CNTN5: variants seen among roughly 807,000 people sequenced by gnomAD.
CNTN5 encodes the protein contactin-5.
In CNTN5, 77 loss-of-function variants were observed where a neutral mutation model predicts 129.1. The ratio of observed to expected loss-of-function variants is 0.60; its 90% CI spans 0.50 to 0.72. The LOEUF (loss-of-function observed/expected upper bound fraction) is 0.72, where lower values mean the gene tolerates loss of function less well. Ranked by LOEUF, CNTN5 falls within the 30% of genes least tolerant of loss-of-function variation. The probability of loss-of-function intolerance (pLI) is 0.00; values close to 1 mark genes in which losing one functional copy is unlikely to be tolerated. For synonymous variants in CNTN5, 509 were observed against 465.6 expected, an observed-to-expected ratio of 1.09 and a Z score of -1.20; for missense variants, 1,478 against 1,328.8, an observed-to-expected ratio of 1.11 and a Z score of -1.75.
chr11:99,274,998 A>G (rs1863357709), intron 1 of CNTN5, among the ~76,000 whole-genome samples: 1 of 151,546 alleles, frequency 6.6e-6, no homozygotes, highest in Non-Finnish European at 1.5e-5. Context: ...AAATAATGCA[A>G]GTATCCAGGG....
intron 3 of CNTN5, among the ~76,000 whole-genome samples, chr11:99,643,024 A>G (rs1951826160): frequency 6.6e-6 from 1 of 152,174 alleles, no homozygotes; most frequent in South Asian, 2.1e-4. Flanking sequence ...TTCTGTATCA[A>G]CCTATTGGCT....
At chr11:99,883,205 T>C (rs1313813878) in intron 6 of CNTN5, among the ~76,000 whole-genome samples, 1 of 152,228 alleles carries the variant, frequency 6.6e-6, no homozygotes, top group Non-Finnish European at 1.5e-5. Flanking sequence ...CACTTTGACA[T>C]ACTGATTTCT....
intron 3 of CNTN5, among the ~76,000 whole-genome samples, chr11:99,814,536 G>A (rs532915133): frequency 1.3e-5 from 2 of 152,140 alleles, no homozygotes; most frequent in South Asian, 2.1e-4. Flanking sequence ...AGAGTGTGTC[G>A]ACAGTTGGAC....
At chr11:100,155,208 G>A (rs1947197897) in intron 13 of CNTN5, among the ~76,000 whole-genome samples, 1 of 152,154 alleles carries the variant, frequency 6.6e-6, no homozygotes, top group African/African-American at 2.4e-5. Context: ...TAAGGTGTAA[G>A]GAAGGGGTCC....
At chr11:99,439,605 G>A (rs1943737995) in intron 2 of CNTN5, among the ~76,000 whole-genome samples, 1 of 150,742 alleles carries the variant, frequency 6.6e-6, no homozygotes, top group African/African-American at 2.4e-5. Flanking sequence ...CTATTCAGGA[G>A]GCTGAGGCAG....
intron 13 of CNTN5, among the ~76,000 whole-genome samples, chr11:100,149,545 AAAAT>A (rs1946977643): frequency 6.6e-6 from 1 of 152,176 alleles, no homozygotes; most frequent in African/African-American, 2.4e-5. Context: ...TTGAAATGAT[AAAAT>A]AAAATATACA....
At chr11:100,199,567 C>T (rs2155280) in intron 15 of CNTN5, among the ~76,000 whole-genome samples, 16,292 of 151,902 alleles carry the variant, frequency 0.11, 1,127 homozygotes, top group Non-Finnish European at 0.15. Flanking sequence ...AGATTACCTT[C>T]AAAGGTTTTA....
intron 1 of CNTN5, among the ~76,000 whole-genome samples, chr11:99,205,836 A>C (rs1565402062): frequency 6.6e-6 from 1 of 151,614 alleles, no homozygotes; most frequent in East Asian, 1.9e-4. Flanking sequence ...CTGAAAAAAA[A>C]TAAAAAGAAA....
chr11:100,161,572 C>A (rs1297240492), intron 13 of CNTN5, among the ~76,000 whole-genome samples: 2 of 151,770 alleles, frequency 1.3e-5, no homozygotes, highest in African/African-American at 2.4e-5. Context: ...TAATCAGAGA[C>A]TAAACTGACT....
intron 1 of CNTN5, among the ~76,000 whole-genome samples, chr11:99,253,141 C>A (rs1647107329): frequency 6.6e-6 from 1 of 152,092 alleles, no homozygotes; most frequent in African/African-American, 2.4e-5. Context: ...TAGTTTCCCC[C>A]ATACTGTTCT....
intron 3 of CNTN5, among the ~76,000 whole-genome samples, chr11:99,787,638 A>G (rs907872543): frequency 6.6e-6 from 1 of 152,028 alleles, no homozygotes; most frequent in African/African-American, 2.4e-5. Context: ...ATGGTTTACA[A>G]TTGGATATTT....
chr11:99,380,875 G>T (rs1158361001), intron 2 of CNTN5, among the ~76,000 whole-genome samples: 1 of 151,996 alleles, frequency 6.6e-6, no homozygotes, highest in African/African-American at 2.4e-5. Flanking sequence ...AGATACTGGG[G>T]TTACATCAGT....
intron 8 of CNTN5, among the ~76,000 whole-genome samples, chr11:100,001,710 ACTTTT>A (rs1304125379): frequency 7.2e-5 from 11 of 152,354 alleles, no homozygotes; most frequent in East Asian, 1.9e-4. Context: ...AATTTTGATA[ACTTTT>A]CTTATTTAAA....
chr11:100,212,232 C>G (rs1949047908), intron 15 of CNTN5, among the ~76,000 whole-genome samples: 1 of 152,022 alleles, frequency 6.6e-6, no homozygotes, highest in Non-Finnish European at 1.5e-5. Flanking sequence ...TCTATGTCAC[C>G]TTGTATAGCT....
intron 2 of CNTN5, among the ~76,000 whole-genome samples, chr11:99,504,232 C>T (rs1160424925): frequency 1.3e-5 from 2 of 152,102 alleles, no homozygotes; most frequent in Non-Finnish European, 2.9e-5. Flanking sequence ...AGTGTTTTTA[C>T]TCTTATATGA....
chr11:99,716,764 TAAG>T (rs1955254449), intron 3 of CNTN5, among the ~76,000 whole-genome samples: 1 of 152,138 alleles, frequency 6.6e-6, no homozygotes, highest in African/African-American at 2.4e-5. Flanking sequence ...TCTCTAACTC[TAAG>T]GACATAATAT....
chr11:99,273,885 T>TA (rs1863298755), intron 1 of CNTN5, among the ~76,000 whole-genome samples: 1 of 151,700 alleles, frequency 6.6e-6, no homozygotes. Context: ...CATTGACTAC[T>TA]AAAAAAATAC....
rs533643579 is a variant in CNTN5, at chr11:99,219,032, A to G, written c.-209-106314A>G. On this transcript the variant is annotated intron_variant, in intron 1 of 24. Transcript: ENST00000524871. ...ACTGCTTTAATATGAAATAAAAATAACACCCATCTTATTATTGCCTTTGTT... is the reference window on the plus strand; with the variant it reads ...ACTGCTTTAATATGAAATAAAAATAGCACCCATCTTATTATTGCCTTTGTT... 1.5e-4 allele frequency among the ~76,000 whole-genome samples: 23 copies of G among 152,114 alleles called. 1 individual carries two copies. The South Asian group carries it at 4.8e-3, about 32-fold the overall frequency.
At chr11:99,847,762 C>CA (rs1419708128) in intron 6 of CNTN5, among the ~76,000 whole-genome samples, 1 of 152,042 alleles carries the variant, frequency 6.6e-6, no homozygotes, top group East Asian at 1.9e-4. Flanking sequence ...ATTAACCTAC[C>CA]AGTATACCTG....
Sources: gnomAD v4.1 joint callset for allele counts (sites outside exome capture counted in the v4.1 genomes callset) on GRCh38, gnomAD v4.1.1 for gene constraint, MANE v1.5 for transcripts, NCBI Gene and HGNC (gene_info 2026-07-23, HGNC 2026-07-21) for gene names.